Variants in FUBP3 observed in about 807,000 individuals in gnomAD.
The protein encoded by FUBP3 is far upstream element-binding protein 3.
Under a neutral mutation model 85.6 loss-of-function variants are expected in FUBP3, and 28 were observed. The ratio of observed to expected loss-of-function variants is 0.33; its 90% CI spans 0.24 to 0.45. The LOEUF (loss-of-function observed/expected upper bound fraction) is 0.45. Ranked by LOEUF, FUBP3 falls within the 20% of genes least tolerant of loss-of-function variation. FUBP3 has a pLI of 1.00. For missense variants in FUBP3, 583 were observed against 755.1 expected (o/e 0.77, Z 2.67); for synonymous variants, 271 against 271.4 (o/e 1.00, Z 0.01).
intron 2 of FUBP3, among the ~76,000 whole-genome samples, chr9:130,603,068 TG>T (rs1283189083): frequency 6.6e-6 from 1 of 152,068 alleles, no homozygotes; most frequent in African/African-American, 2.4e-5. Context: ...GAAGGGAGGC[TG>T]GGCATGGTAG....
chr9:130,582,644 C>T (rs1588107808), intron 1 of FUBP3, among the ~76,000 whole-genome samples: 1 of 152,280 alleles, frequency 6.6e-6, no homozygotes. Flanking sequence ...GTTCCACAGC[C>T]GTCCTCTGCA....
rs995985236 is a variant in FUBP3, at chr9:130,616,535, A to G, written c.567+18A>G. 1.2e-6 allele frequency: 2 copies of G among 1,603,368 alleles called. No individual in the cohort carries two copies. The highest frequency in any genetic ancestry group is 4.5e-5 in the East Asian group (2 of 44,862). The stretch of plus-strand genomic sequence containing the variant: ...AGTTGCAGGTGTGTGAGCCCGGAGC[A>G]CGGAGCACAGCGGCCGCTCGCAGCA... On this transcript the variant is annotated intron_variant, in intron 7 of 18. Coordinates refer to ENST00000319725, the MANE Select transcript of FUBP3 (RefSeq NM_003934.2). This position sits in a 1 kb window ranked among gnomAD's most constrained non-coding sequence, Gnocchi z 4.7.
Position 130,637,088 on chromosome 9 carries a change from G to A in FUBP3, c.*66G>A, listed in dbSNP as rs1830447426. The A allele has an allele frequency of 1.5e-6, 2 of 1,332,240 alleles. No homozygotes were observed. The highest frequency in any genetic ancestry group is 1.7e-5 in the Admixed American group (1 of 59,682). 82.5% of individuals were successfully genotyped at this position (1,332,240 alleles called of 1,614,324 possible). ...TCAAAGAAAACCTATTTGTAACAGA[G>A]GTTTTTACATTTGCAAACCTTTTGA... On this transcript the variant is annotated 3_prime_UTR_variant, in exon 19 of 19. Transcript: ENST00000319725.
chr9:130,596,931 C>T (rs1830901781), intron 2 of FUBP3, among the ~76,000 whole-genome samples: 1 of 152,054 alleles, frequency 6.6e-6, no homozygotes, highest in African/African-American at 2.4e-5. Flanking sequence ...CAGTTACTCT[C>T]TTTATTTTAA....
At chr9:130,632,415 G>A (rs1008900662) in intron 16 of FUBP3, 137 bp downstream of exon 16, 25 of 683,140 alleles carry the variant, frequency 3.7e-5, no homozygotes, top group Admixed American at 6.8e-5. Flanking sequence ...AGCCCTCTGG[G>A]TGGGGCTTGG....
rs1830440323 is a variant in FUBP3, at chr9:130,636,875, GGA to G, written c.1711-132_1711-131del. The G allele has an allele frequency of 9.9e-5, 73 of 738,228 alleles. No homozygotes were observed. The South Asian group carries it at 1.1e-3, about 11-fold the overall frequency. 45.7% of individuals were successfully genotyped at this position (738,228 alleles called of 1,614,324 possible). On this transcript the variant is annotated intron_variant, in intron 18 of 18. Transcript: ENST00000319725. ...CTCTTCCCTGCCCCAAGTCCCTAGT[GGA>G]GAGAGAAGCCCAAGACCTCTTCAGC...
At chr9:130,589,178 TGG>T (rs1830476593) in intron 1 of FUBP3, among the ~76,000 whole-genome samples, 1 of 152,156 alleles carries the variant, frequency 6.6e-6, no homozygotes, top group Non-Finnish European at 1.5e-5. Context: ...TGACCTACTT[TGG>T]TTATGAAACT....
chr9:130,579,925 G>C (rs956650544), intron 1 of FUBP3, among the ~76,000 whole-genome samples, 161 bp downstream of exon 1: 1 of 152,214 alleles, frequency 6.6e-6, no homozygotes, highest in African/African-American at 2.4e-5. Flanking sequence ...GAGCCGGGGG[G>C]ATAAGGCGCC....
At chr9:130,600,329 CTTCATGCTCAAGTTCTCCCATGTTT>C (rs879555931) in intron 2 of FUBP3, among the ~76,000 whole-genome samples, 11 of 152,256 alleles carry the variant, frequency 7.2e-5, no homozygotes, top group Admixed American at 3.9e-4. Context: ...CCCATGGACT[CTTCATGCTCAAGTTCTCCCATGTTT>C]TTCATGCTCA....
chr9:130,598,282 C>G (rs1452732225), intron 2 of FUBP3, among the ~76,000 whole-genome samples: 1 of 152,158 alleles, frequency 6.6e-6, no homozygotes, highest in Admixed American at 6.5e-5. Context: ...ATTCCTTATG[C>G]AGAGGACGCA....
In FUBP3 at chr9:130,632,087, G is replaced by C. The variant is rs1032490837; in HGVS notation, c.1433+65G>C. On this transcript the variant is annotated intron_variant, in intron 15 of 18. Coordinates refer to ENST00000319725, the MANE Select transcript of FUBP3 (RefSeq NM_003934.2). ...CTAAGGTGGTCACTTGGCTATTGCC[G>C]ACAGGCAAGGGTCCGGTGATGCTTG... 6 of 1,474,210 alleles carry C rather than the reference G, an allele frequency of 4.1e-6. No homozygotes were observed. The African/African-American group carries it at 6.9e-5, about 17-fold the overall frequency. The allele number at this position is 1,474,210 out of a possible 1,614,324, so 91.3% of individuals were successfully genotyped here.
chr9:130,628,769 A>AT (rs139480872), intron 12 of FUBP3, among the ~76,000 whole-genome samples: 28 of 150,772 alleles, frequency 1.9e-4, no homozygotes, highest in African/African-American at 5.1e-4. Context: ...ATTCTTTTTT[A>AT]TTTTTTTTTA....
chr9:130,581,722 G>C (rs1341774606), intron 1 of FUBP3: 1 of 152,184 alleles, frequency 6.6e-6, no homozygotes, highest in Non-Finnish European at 1.5e-5. Flanking sequence ...CTAAAAGACA[G>C]TATATTTATT....
Position 130,601,608 on chromosome 9 carries a change from CT to C in FUBP3, c.190+6029del, listed in dbSNP as rs957294826. ...CTCGTCTTTGCTATTTATGTAGCAC[CT>C]TTTTTTTTGTCCTTTTTATTCTTTT... On this transcript the variant is annotated intron_variant, in intron 2 of 18. Coordinates refer to ENST00000319725, the MANE Select transcript of FUBP3 (RefSeq NM_003934.2). Among the ~76,000 whole-genome samples, 64 of 150,742 alleles carry C rather than the reference CT, an allele frequency of 4.2e-4. 1 individual carries two copies. In the East Asian group the frequency reaches 7.2e-3, roughly 17 times the overall value.
intron 2 of FUBP3, among the ~76,000 whole-genome samples, chr9:130,606,735 G>A (rs879229272): frequency 2.6e-5 from 4 of 151,950 alleles, no homozygotes; most frequent in East Asian, 1.9e-4. Context: ...TAGGAGAATC[G>A]CTTGAACCCA....
At chr9:130,610,701 T>G (rs897743776) in intron 3 of FUBP3, among the ~76,000 whole-genome samples, 1 of 152,248 alleles carries the variant, frequency 6.6e-6, no homozygotes, top group Non-Finnish European at 1.5e-5. Context: ...GTGCTATGTA[T>G]CTGTTGCTGT....
rs746375117 is a variant in FUBP3 at position 130,616,363 on chromosome 9, A to G, written c.413A>G (p.Lys138Arg). The G allele has an allele frequency of 3.1e-6, 5 of 1,614,104 alleles. No individual in the cohort carries two copies. Among genetic ancestry groups the G allele is most frequent in the Non-Finnish European group, 4.2e-6 (5 of 1,180,010 alleles). ...TGTPESIEQA[K>R]RLLGQIVDRC... Reference sequence around the variant, plus strand: ...TCTTTTCCCTCCCAAAGACAAGCCAAACGGCTCCTGGGACAGATTGTGGAC... The same window carrying G: ...TCTTTTCCCTCCCAAAGACAAGCCAGACGGCTCCTGGGACAGATTGTGGAC... Residue 138 changes from lysine to arginine, a missense_variant, in exon 7 of 19, where the codon AAA becomes AGA. Physicochemically the swap from Lys to Arg is conservative, Grantham distance 26 (BLOSUM62 2). This residue lies in a region of FUBP3 where 177 missense variants were observed against 221.9 expected (regional missense o/e 0.80). Transcript: ENST00000319725. This position sits in a 1 kb window ranked among gnomAD's most constrained non-coding sequence, Gnocchi z 4.7.
chr9:130,585,882 A>AT (rs762743237), intron 1 of FUBP3, among the ~76,000 whole-genome samples: 3 of 152,230 alleles, frequency 2.0e-5, no homozygotes, highest in African/African-American at 4.8e-5. Context: ...TCTGCTGTCT[A>AT]TTCATACTCC....
At position 130,616,523 on chromosome 9, in the gene FUBP3, T is replaced by C; in HGVS notation, c.567+6T>C. The C allele has an allele frequency of 6.2e-7, 1 of 1,613,910 alleles. No homozygotes were observed. Reference sequence around the variant, plus strand: ...AAACAATCAAGCAGTTGCAGGTGTGTGAGCCCGGAGCACGGAGCACAGCGG... The same window carrying C: ...AAACAATCAAGCAGTTGCAGGTGTGCGAGCCCGGAGCACGGAGCACAGCGG... On this transcript the variant is annotated splice_donor_region_variant and intron_variant, in intron 7 of 18. Coordinates refer to ENST00000319725, the MANE Select transcript of FUBP3 (RefSeq NM_003934.2). This position sits in a 1 kb window ranked among gnomAD's most constrained non-coding sequence, Gnocchi z 4.7.
Sources: gnomAD v4.1 joint callset for allele counts (sites outside exome capture counted in the v4.1 genomes callset) on GRCh38, gnomAD v4.1.1 for gene constraint, gnomAD v4.1.1 regional missense constraint, Gnocchi (gnomAD v3.1) non-coding constraint, MANE v1.5 for transcripts, NCBI Gene and HGNC (gene_info 2026-07-23, HGNC 2026-07-21) for gene names.